ASCC3: variants seen among roughly 807,000 people sequenced by gnomAD.
ASCC3 encodes the protein activating signal cointegrator 1 complex subunit 3.
Under a neutral mutation model 256.3 loss-of-function variants are expected in ASCC3, and 158 were observed. That is an observed-to-expected ratio of 0.62 (90% CI 0.54 to 0.70). The LOEUF (loss-of-function observed/expected upper bound fraction) is 0.70. Ranked by LOEUF, ASCC3 falls within the 30% of genes least tolerant of loss-of-function variation. The pLI is 0.00. For missense variants in ASCC3, 2,259 were observed against 2,626.0 expected (o/e 0.86, Z 3.05); for synonymous variants, 948 against 883.4 (o/e 1.07, Z -1.30).
intron 29 of ASCC3, among the ~76,000 whole-genome samples, chr6:100,627,205 T>C (rs1230877438): frequency 1.3e-5 from 2 of 152,166 alleles, no homozygotes; most frequent in Non-Finnish European, 2.9e-5. Context: ...ACAGAAGCAC[T>C]GTACTAAAGT....
intron 36 of ASCC3, among the ~76,000 whole-genome samples, chr6:100,560,942 T>C (rs1202978657): frequency 6.6e-6 from 1 of 152,030 alleles, no homozygotes; most frequent in Non-Finnish European, 1.5e-5. Context: ...GGTATGCATA[T>C]ATGGGGCTGA....
At chr6:100,625,869 T>C (rs1774206631) in intron 29 of ASCC3, among the ~76,000 whole-genome samples, 1 of 151,984 alleles carries the variant, frequency 6.6e-6, no homozygotes, top group African/African-American at 2.4e-5. Flanking sequence ...AGTAAACAGG[T>C]TAAGAGATAA....
intron 36 of ASCC3, 89 bp downstream of exon 36, chr6:100,589,522 GACAGAGGAAAGGGCTTTACAAAT>G (rs2114771156): frequency 6.3e-5 from 81 of 1,290,418 alleles, no homozygotes; most frequent in Non-Finnish European, 8.5e-5. Context: ...GACCTTGTTT[GACAGAGGAAAGGGCTTTACAAAT>G]GGTTTCTGTT....
chr6:100,858,626 C>A (rs9390699), intron 3 of ASCC3: 2 of 987,314 alleles, frequency 2.0e-6, no homozygotes, highest in Admixed American at 6.0e-5. Flanking sequence ...ATTTATTAAT[C>A]CACTCATTAT....
intron 25 of ASCC3, 142 bp from the exon 26 acceptor site, chr6:100,631,355 A>G (rs1183186608): frequency 1.5e-6 from 1 of 652,652 alleles, no homozygotes; most frequent in Admixed American, 2.6e-5. Flanking sequence ...TCAAATTTTT[A>G]AATCAACGGG....
chr6:100,720,700 T>A (rs1237272083), intron 11 of ASCC3, among the ~76,000 whole-genome samples: 2 of 151,536 alleles, frequency 1.3e-5, no homozygotes, highest in Non-Finnish European at 3.0e-5. Flanking sequence ...CCATTTTTCT[T>A]AAGATAACAA....
intron 34 of ASCC3, among the ~76,000 whole-genome samples, chr6:100,599,491 G>A (rs1277165518): frequency 6.6e-6 from 1 of 152,164 alleles, no homozygotes; most frequent in Non-Finnish European, 1.5e-5. Context: ...AGGGACATTA[G>A]TGGAACAACT....
intron 4 of ASCC3, among the ~76,000 whole-genome samples, chr6:100,807,435 C>T (rs565289774): frequency 6.6e-6 from 1 of 151,860 alleles, no homozygotes; most frequent in South Asian, 2.1e-4. Context: ...AATTATCCAT[C>T]AACAAAGTAT....
chr6:100,592,800 G>A (rs1772073169), intron 34 of ASCC3, among the ~76,000 whole-genome samples: 1 of 152,020 alleles, frequency 6.6e-6, no homozygotes. Flanking sequence ...AAAAAGGTCT[G>A]TTTTCATGTT....
At chr6:100,715,637 C>T in intron 12 of ASCC3, 104 bp from the exon 13 acceptor site, 1 of 873,104 alleles carries the variant, frequency 1.1e-6, no homozygotes, top group Non-Finnish European at 1.8e-6. Flanking sequence ...AGCTTTCAGG[C>T]TATCTAGAAT....
chr6:100,731,386 A>G (rs1779896627), intron 10 of ASCC3, among the ~76,000 whole-genome samples: 1 of 152,204 alleles, frequency 6.6e-6, no homozygotes, highest in African/African-American at 2.4e-5. Context: ...AAGGGACACA[A>G]TACTTTGTTA....
At chr6:100,714,974 G>A (rs897245491) in intron 13 of ASCC3, among the ~76,000 whole-genome samples, 1 of 151,958 alleles carries the variant, frequency 6.6e-6, no homozygotes, top group East Asian at 1.9e-4. Context: ...GGCTCACATT[G>A]TTTTAAGAAA....
chr6:100,689,016 T>C (rs1414051202), intron 13 of ASCC3, among the ~76,000 whole-genome samples: 1 of 152,176 alleles, frequency 6.6e-6, no homozygotes, highest in Non-Finnish European at 1.5e-5. Flanking sequence ...CTTCCTGTTG[T>C]TTAAAACCTT....
chr6:100,575,357 A>G (rs1194670659), intron 36 of ASCC3, among the ~76,000 whole-genome samples: 1 of 152,056 alleles, frequency 6.6e-6, no homozygotes, highest in African/African-American at 2.4e-5. Context: ...ATATTTTTGC[A>G]ATTTTTCCTA....
intron 8 of ASCC3, among the ~76,000 whole-genome samples, chr6:100,788,034 A>T (rs1389137796): frequency 2.0e-5 from 3 of 151,968 alleles, no homozygotes. Context: ...TTTGTGAAAA[A>T]ACAAGTCACA....
intron 12 of ASCC3, among the ~76,000 whole-genome samples, 183 bp from the exon 13 acceptor site, chr6:100,715,716 T>C (rs570795075): frequency 6.6e-6 from 1 of 151,776 alleles, no homozygotes; most frequent in Admixed American, 6.6e-5. Flanking sequence ...CAACGCAACT[T>C]AAAAGTACAA....
At chr6:100,534,045 C>A (rs1775047028) in intron 37 of ASCC3, among the ~76,000 whole-genome samples, 1 of 152,038 alleles carries the variant, frequency 6.6e-6, no homozygotes, top group Non-Finnish European at 1.5e-5. Flanking sequence ...AAGTTTGAGA[C>A]AAGACTGGAC....
intron 10 of ASCC3, among the ~76,000 whole-genome samples, chr6:100,755,365 T>TC (rs1203880989): frequency 3.3e-5 from 4 of 120,748 alleles, no homozygotes; most frequent in Non-Finnish European, 5.8e-5. Context: ...ATGTGCTTCC[T>TC]CTTTTTTTTT....
chr6:100,628,632 C>CT (rs1310818732), intron 27 of ASCC3, among the ~76,000 whole-genome samples: 1 of 152,092 alleles, frequency 6.6e-6, no homozygotes, highest in Non-Finnish European at 1.5e-5. Context: ...CTCTCTTCTG[C>CT]TTTGCCTTCA....
Sources: allele counts gnomAD v4.1 joint callset (sites outside exome capture counted in the v4.1 genomes callset), GRCh38; gene constraint gnomAD v4.1.1; transcripts MANE v1.5; gene names NCBI Gene and HGNC (gene_info 2026-07-23, HGNC 2026-07-21).